MYLK: variants seen among roughly 807,000 people sequenced by gnomAD.
MYLK encodes myosin light chain kinase, also known as myosin light chain kinase, smooth muscle.
Under a neutral mutation model 203.4 loss-of-function variants are expected in MYLK, and 106 were observed. The observed-to-expected ratio is 0.52, with a 90% CI of 0.45 to 0.61. MYLK has a LOEUF of 0.61. MYLK is among the 20% of genes least tolerant of loss of function. The probability of loss-of-function intolerance (pLI) is 0.00; values close to 1 mark genes in which losing one functional copy is unlikely to be tolerated. For synonymous variants in MYLK, 867 were observed against 959.5 expected (o/e 0.90, Z 1.78); for missense variants, 2,072 against 2,442.3 (o/e 0.85, Z 3.20).
intron 4 of MYLK, among the ~76,000 whole-genome samples, chr3:123,753,539 A>G (rs564713908): frequency 2.0e-5 from 3 of 151,270 alleles, no homozygotes; most frequent in South Asian, 4.2e-4. Context: ...ACAGTGGTGC[A>G]ATCATCTGAG....
In MYLK at chr3:123,619,897, AAAG is replaced by A. The variant is rs142712612; in HGVS notation, c.5368+307_5368+309del. On this transcript the variant is annotated intron_variant, in intron 32 of 33. Coordinates refer to ENST00000360304, the MANE Select transcript of MYLK (RefSeq NM_053025.4). ...GAATATCACTTTTGCCATAAGAACA[AAAG>A]AAGATTTTAATACAATCTTTGTTAA... Among the ~76,000 whole-genome samples, 483 of 152,336 alleles carry A rather than the reference AAAG, an allele frequency of 3.2e-3. 3 individuals are homozygous for A. The highest frequency in any genetic ancestry group is 0.011 in the African/African-American group (468 of 41,572).
intron 12 of MYLK, among the ~76,000 whole-genome samples, chr3:123,725,038 T>C (rs1265396819): frequency 1.3e-5 from 2 of 152,154 alleles, no homozygotes; most frequent in African/African-American, 4.8e-5. Context: ...CCACCACACC[T>C]GGCCCACTGC....
At chr3:123,717,987 G>A (rs1187396485) in intron 13 of MYLK, among the ~76,000 whole-genome samples, 3 of 151,878 alleles carry the variant, frequency 2.0e-5, no homozygotes, top group African/African-American at 7.3e-5. Flanking sequence ...TCAGCCTCCT[G>A]AGTAGCTGGG....
chr3:123,748,957 T>C (rs1214052873), intron 5 of MYLK, among the ~76,000 whole-genome samples: 1 of 152,066 alleles, frequency 6.6e-6, no homozygotes, highest in Non-Finnish European at 1.5e-5. Context: ...TAATCCCAGC[T>C]ACTTGGGAGG....
At chr3:123,669,245 T>A (rs1452994287) in intron 20 of MYLK, among the ~76,000 whole-genome samples, 1 of 152,150 alleles carries the variant, frequency 6.6e-6, no homozygotes, top group Admixed American at 6.5e-5. Flanking sequence ...TCTGGCTCAT[T>A]GTCATCATTG....
chr3:123,868,848 T>A (rs1445797370), intron 2 of MYLK, among the ~76,000 whole-genome samples: 6 of 152,206 alleles, frequency 3.9e-5, no homozygotes, highest in Non-Finnish European at 5.9e-5. Flanking sequence ...TTGCAGCCTA[T>A]TTTACATGCC....
intron 4 of MYLK, among the ~76,000 whole-genome samples, chr3:123,784,037 C>T (rs2064404519): frequency 6.6e-6 from 1 of 152,214 alleles, no homozygotes; most frequent in African/African-American, 2.4e-5. Flanking sequence ...CGAGGCCCTT[C>T]CTGTCCATTT....
intron 3 of MYLK, among the ~76,000 whole-genome samples, chr3:123,824,506 G>A (rs1350851221): frequency 2.0e-5 from 3 of 152,186 alleles, no homozygotes; most frequent in African/African-American, 7.2e-5. Flanking sequence ...CTTGTTAAAT[G>A]AATGAAAGTC....
chr3:123,704,665 A>G (rs2108613572), intron 16 of MYLK, among the ~76,000 whole-genome samples: 1 of 147,988 alleles, frequency 6.8e-6, no homozygotes, highest in South Asian at 2.2e-4. Flanking sequence ...GCACTTTGGG[A>G]GGCTGAGGTG....
rs1218288839 is a variant in MYLK at position 123,648,020 on chromosome 3, C to G, written c.4416-593G>C. On this transcript the variant is annotated intron_variant, in intron 26 of 33. Transcript: ENST00000360304. The surrounding 1 kb of genome is among the most constrained non-coding windows in gnomAD (Gnocchi z 4.5). ...CCTTCCACTCCCTACCACTGACCCC[C>G]TGGTGATGGCCCAGGCAGGGTCCTG... 6.6e-6 allele frequency among the ~76,000 whole-genome samples: 1 copy of G among 152,228 alleles called. No individual in the cohort carries two copies. The highest frequency in any genetic ancestry group is 1.5e-5 in the Non-Finnish European group (1 of 68,036).
chr3:123,643,612 A>G (rs1460456772), intron 27 of MYLK, among the ~76,000 whole-genome samples: 1 of 152,216 alleles, frequency 6.6e-6, no homozygotes, highest in Non-Finnish European at 1.5e-5. Context: ...TATTGGTTTG[A>G]TAGACAGAAA....
intron 23 of MYLK, among the ~76,000 whole-genome samples, 182 bp from the exon 24 acceptor site, chr3:123,657,610 G>A (rs985022436): frequency 6.6e-6 from 1 of 152,124 alleles, no homozygotes; most frequent in Non-Finnish European, 1.5e-5. Flanking sequence ...CCACCTGTAC[G>A]GAAAGCCCCA....
rs534298759 is a variant in MYLK, at chr3:123,854,571, C to T, written c.-127+21988G>A. Among the ~76,000 whole-genome samples the T allele has an allele frequency of 2.0e-5, 3 of 152,096 alleles. No individual in the cohort carries two copies. The South Asian group carries it at 6.2e-4, about 32-fold the overall frequency. ...TAATTTTTTCTTTCCAAAACATATC[C>T]TTTATGGGAACAATAGACACTGGTG... On this transcript the variant is annotated intron_variant, in intron 2 of 33. Transcript: ENST00000360304.
chr3:123,654,331 T>C (rs1305904595), intron 24 of MYLK, among the ~76,000 whole-genome samples: 2 of 152,178 alleles, frequency 1.3e-5, no homozygotes, highest in Non-Finnish European at 1.5e-5. Flanking sequence ...ACCTATTTTG[T>C]ACCTAATTTT....
intron 3 of MYLK, among the ~76,000 whole-genome samples, chr3:123,814,616 T>A (rs912360242): frequency 6.6e-6 from 1 of 152,230 alleles, no homozygotes; most frequent in Non-Finnish European, 1.5e-5. Flanking sequence ...GCCTTCATTT[T>A]TCATGCTTTT....
intron 2 of MYLK, among the ~76,000 whole-genome samples, chr3:123,871,438 C>T (rs181137593): frequency 1.7e-3 from 260 of 152,132 alleles, no homozygotes; most frequent in African/African-American, 5.0e-3. Flanking sequence ...CCAGATTGAC[C>T]AAGAGCAAAA....
chr3:123,683,644 G>T (rs1005907469), intron 19 of MYLK, among the ~76,000 whole-genome samples: 2 of 152,116 alleles, frequency 1.3e-5, no homozygotes, highest in African/African-American at 4.8e-5. Flanking sequence ...TCTCTGCTAT[G>T]GGTAATCCAG....
At chr3:123,625,469 AG>A (rs199557969) in intron 31 of MYLK, among the ~76,000 whole-genome samples, 137 of 145,638 alleles carry the variant, frequency 9.4e-4, no homozygotes, top group East Asian at 3.7e-3. Flanking sequence ...CTTTGTCTCG[AG>A]GAAAAAAAAA....
Position 123,619,296 on chromosome 3 carries a change from C to T in MYLK, c.5369-526G>A, listed in dbSNP as rs115748750. Among the ~76,000 whole-genome samples, 679 of 152,266 alleles carry T rather than the reference C, an allele frequency of 4.5e-3. 5 individuals are homozygous for T. Among genetic ancestry groups the T allele is most frequent in the African/African-American group, 0.016 (660 of 41,546 alleles). ...GATGTGGGATTGGTTCAGGGAAAAG[C>T]TGTAACTTGGAGGGACACCTGTATC... is the stretch of plus-strand genomic sequence containing the variant. On this transcript the variant is annotated intron_variant, in intron 32 of 33. Transcript: ENST00000360304.
Sources: allele counts gnomAD v4.1 joint callset (sites outside exome capture counted in the v4.1 genomes callset), GRCh38; gene constraint gnomAD v4.1.1; non-coding constraint Gnocchi (gnomAD v3.1); transcripts MANE v1.5; gene names NCBI Gene and HGNC (gene_info 2026-07-23, HGNC 2026-07-21).